The following DYNLL1 variants were observed in gnomAD, a reference collection of about 807,000 sequenced individuals.
DYNLL1 encodes the protein dynein light chain LC8-type 1.
DYNLL1 carries 3 observed loss-of-function variants against 10.1 expected under a neutral mutation model. The observed-to-expected ratio is 0.30, with a 90% CI of 0.14 to 0.77. The LOEUF is 0.77. Ranked by LOEUF, DYNLL1 falls within the 30% of genes least tolerant of loss-of-function variation. DYNLL1 has a pLI of 0.66. For synonymous variants in DYNLL1, 46 were observed against 41.2 expected (o/e 1.12, Z -0.45); for missense variants, 47 against 111.7 (o/e 0.42, Z 2.61).
chr12:120,496,248 C>A (rs1868391411), intron 1 of DYNLL1, 32 bp downstream of exon 1: 1 of 988,584 alleles, frequency 1.0e-6, no homozygotes, highest in Non-Finnish European at 1.5e-6. Context: ...GGGGTGTCCT[C>A]GCTGCCTTAT....
chr12:120,489,936 C>T lies in DYNLL1; in HGVS notation c.-6-6480C>T, dbSNP rs140520852. 6.1e-3 allele frequency among the ~76,000 whole-genome samples: 922 copies of T among 152,226 alleles called. 10 individuals are homozygous for T. Among genetic ancestry groups the T allele is most frequent in the African/African-American group, 0.021 (875 of 41,528 alleles). Reference sequence around the variant, plus strand: ...CTAATTTTTTGTATTTTAGTAGAGACGGGGTTTCACCGTGTTGCCCAGGCT... The same window carrying T: ...CTAATTTTTTGTATTTTAGTAGAGATGGGGTTTCACCGTGTTGCCCAGGCT... On this transcript the variant is annotated intron_variant, in intron 1 of 2. Coordinates refer to the DYNLL1 transcript ENST00000392509.
chr12:120,472,669 G>A (rs998531928), intron 1 of DYNLL1, among the ~76,000 whole-genome samples: 3 of 152,194 alleles, frequency 2.0e-5, no homozygotes, highest in Non-Finnish European at 4.4e-5. Context: ...GACTCAATAG[G>A]ACTGTAGGTG....
upstream of DYNLL1, among the ~76,000 whole-genome samples, chr12:120,492,885 T>A (rs1424172452): frequency 6.6e-6 from 1 of 152,156 alleles, no homozygotes; most frequent in East Asian, 1.9e-4. The surrounding 1 kb of genome is among the most constrained non-coding windows in gnomAD (Gnocchi z 4.1). Flanking sequence ...TCTGGGTTAT[T>A]GTAGAAGAGT....
chr12:120,477,465 A>C (rs886507433), intron 1 of DYNLL1, among the ~76,000 whole-genome samples: 1 of 152,064 alleles, frequency 6.6e-6, no homozygotes, highest in African/African-American at 2.4e-5. Context: ...ATTCACAGAC[A>C]ACTAAAAAGG....
Position 120,496,481 on chromosome 12 carries a change from C to G in DYNLL1, c.60C>G (p.Asp20Glu). ...NADMSEEMQQ[D>E]SVECATQALE... is the part of the protein sequence containing the mutation. ...ACATGTCGGAAGAGATGCAACAGGA[C>G]TCGGTGGAGTGCGCTACTCAGGCGC... The change falls in exon 2 of 3, where the codon GAC becomes GAG. Residue 20 changes from aspartate (D) to glutamate (E), a missense_variant. Transcript: ENST00000242577. 1 of 1,614,200 alleles carries G rather than the reference C, an allele frequency of 6.2e-7. No individual in the cohort carries two copies. The highest frequency in any genetic ancestry group is 1.1e-5 in the South Asian group (1 of 91,084).
At chr12:120,471,900 C>G (rs967300706) in intron 1 of DYNLL1, among the ~76,000 whole-genome samples, 4 of 152,082 alleles carry the variant, frequency 2.6e-5, no homozygotes, top group Admixed American at 6.5e-5. Context: ...CGTGAGCCAC[C>G]GCGCCCAGCT....
chr12:120,477,844 T>G (rs1047675190), intron 1 of DYNLL1, among the ~76,000 whole-genome samples: 1 of 152,108 alleles, frequency 6.6e-6, no homozygotes, highest in South Asian at 2.1e-4. Flanking sequence ...TTGCCCAGGC[T>G]GGAGTGCAAT....
chr12:120,477,591 A>AAAT (rs1878783627), intron 1 of DYNLL1, among the ~76,000 whole-genome samples: 1 of 151,824 alleles, frequency 6.6e-6, no homozygotes, highest in African/African-American at 2.4e-5. Flanking sequence ...CTCTACAAAA[A>AAAT]AAATAAATAA....
upstream of DYNLL1, chr12:120,492,215 A>C (rs922074234): frequency 1.3e-5 from 2 of 152,232 alleles, no homozygotes; most frequent in Admixed American, 1.3e-4. This position sits in a 1 kb window ranked among gnomAD's most constrained non-coding sequence, Gnocchi z 4.1. Flanking sequence ...CTCAATATAC[A>C]GTGGCAATAG....
chr12:120,497,362 G>A (rs1364227248), intron 2 of DYNLL1: 1 of 152,648 alleles, frequency 6.6e-6, no homozygotes, highest in African/African-American at 2.4e-5. Flanking sequence ...GGGAGAAATG[G>A]TGAAGAGTTG....
Position 120,476,301 on chromosome 12 carries a change from T to A in DYNLL1, c.-7+6197T>A, listed in dbSNP as rs1446243930. Reference sequence around the variant, plus strand: ...AAAGGTAAAAAACAAGTATGGGAATTATCTGGAGTTTTTTTTTTTTAAGTT... The same window carrying A: ...AAAGGTAAAAAACAAGTATGGGAATAATCTGGAGTTTTTTTTTTTTAAGTT... On this transcript the variant is annotated intron_variant, in intron 1 of 2. Coordinates refer to the DYNLL1 transcript ENST00000392509. Among the ~76,000 whole-genome samples, 3 of 129,752 alleles carry A rather than the reference T, an allele frequency of 2.3e-5. No individual in the cohort carries two copies. In the Admixed American group the frequency reaches 2.3e-4, roughly 10 times the overall value. The allele number at this position is 129,752 out of a possible 152,430, so 85.1% of individuals were successfully genotyped here.
In DYNLL1 at chr12:120,496,420, C is replaced by T; in HGVS notation, c.-2C>T. The T allele has an allele frequency of 6.2e-7, 1 of 1,614,104 alleles. No homozygotes were observed. The highest frequency in any genetic ancestry group is 8.5e-7 in the Non-Finnish European group (1 of 1,180,024). On this transcript the variant is annotated 5_prime_UTR_variant, in exon 2 of 3. Coordinates refer to ENST00000242577, the MANE Select transcript of DYNLL1 (RefSeq NM_003746.3). Reference sequence around the variant, plus strand: ...ACCCCAGGCCTTGCCCACTAGGTAACCATGTGCGACCGAAAGGCCGTGATC... The same window carrying T: ...ACCCCAGGCCTTGCCCACTAGGTAATCATGTGCGACCGAAAGGCCGTGATC...
At chr12:120,496,575 G>C in intron 2 of DYNLL1, 22 bp downstream of exon 2, 1 of 1,613,676 alleles carries the variant, frequency 6.2e-7, no homozygotes, top group Non-Finnish European at 8.5e-7. Flanking sequence ...CGCGGGGGCC[G>C]ATACGCAGCC....
chr12:120,470,602 C>T (rs777177844), intron 1 of DYNLL1, among the ~76,000 whole-genome samples: 1 of 152,174 alleles, frequency 6.6e-6, no homozygotes, highest in Non-Finnish European at 1.5e-5. Context: ...CGTGAGGGGT[C>T]TGCGCTGCGT....
intron 1 of DYNLL1, among the ~76,000 whole-genome samples, chr12:120,489,096 A>G (rs893092977): frequency 6.6e-6 from 1 of 152,226 alleles, no homozygotes; most frequent in Non-Finnish European, 1.5e-5. Flanking sequence ...GGCCTGGCCC[A>G]TAGTAAACGC....
chr12:120,489,233 T>A (rs970422908), intron 1 of DYNLL1, among the ~76,000 whole-genome samples: 1 of 152,202 alleles, frequency 6.6e-6, no homozygotes, highest in African/African-American at 2.4e-5. Context: ...AAATTATAGC[T>A]CAAGGCTGGC....
At chr12:120,491,971 T>C (rs567696), upstream of DYNLL1, 147,410 of 152,264 alleles carry the variant, frequency 0.97, 71,455 homozygotes, top group Non-Finnish European at 1. Context: ...CATCAACTCC[T>C]TTTGTTTAGG....
chr12:120,490,028 G>A (rs1022479377), intron 1 of DYNLL1, among the ~76,000 whole-genome samples: 6 of 152,242 alleles, frequency 3.9e-5, no homozygotes, highest in Non-Finnish European at 8.8e-5. Context: ...GATTACAGGC[G>A]TAAGCCACCG....
At chr12:120,470,603 T>A (rs1878626503) in intron 1 of DYNLL1, among the ~76,000 whole-genome samples, 1 of 152,176 alleles carries the variant, frequency 6.6e-6, no homozygotes, top group African/African-American at 2.4e-5. Context: ...GTGAGGGGTC[T>A]GCGCTGCGTC....
Sources: allele counts gnomAD v4.1 joint callset (sites outside exome capture counted in the v4.1 genomes callset), GRCh38; gene constraint gnomAD v4.1.1; non-coding constraint Gnocchi (gnomAD v3.1); transcripts MANE v1.5; gene names NCBI Gene and HGNC (gene_info 2026-07-23, HGNC 2026-07-21).